ZNF609: variants seen among roughly 807,000 people sequenced by gnomAD.
ZNF609 encodes the protein zinc finger protein 609.
A neutral mutation model predicts 109.5 loss-of-function variants in ZNF609; 11 were observed. The ratio of observed to expected loss-of-function variants is 0.10; its 90% CI spans 0.06 to 0.17. ZNF609 has a LOEUF of 0.17. ZNF609 is among the 10% of genes least tolerant of loss of function. The pLI is 1.00. For missense variants in ZNF609, 1,559 were observed against 1,772.4 expected (o/e 0.88, Z 2.16); for synonymous variants, 646 against 662.0 (o/e 0.98, Z 0.37).
chr15:64,607,881 TC>T (rs1895636958), intron 2 of ZNF609, among the ~76,000 whole-genome samples: 3 of 19,868 alleles, frequency 1.5e-4, no homozygotes, highest in South Asian at 6.5e-4. Context: ...CTTTCTTTCT[TC>T]TTTCTTTTCT....
rs201999546 is a variant in ZNF609 at position 64,500,124 on chromosome 15, G to C, written c.705G>C (p.Gly235=). ...PLGTKPEPEE[G]ENECRLLKKV... ...GAACTAAACCGGAGCCAGAGGAAGG[G>C]GAGAATGAGTGTCGCCTGCTAAAGA... The change falls in exon 2 of 10, where the codon GGG becomes GGC. Residue 235 remains glycine, a synonymous_variant. Coordinates refer to ENST00000326648, the MANE Select transcript of ZNF609 (RefSeq NM_015042.2). 5.6e-6 allele frequency: 9 copies of C among 1,613,936 alleles called. No homozygotes were observed. In the East Asian group the frequency reaches 1.1e-4, roughly 20 times the overall value.
chr15:64,477,069 G>C (rs775624578), intron 1 of ZNF609, among the ~76,000 whole-genome samples: 2 of 151,232 alleles, frequency 1.3e-5, no homozygotes, highest in African/African-American at 2.4e-5. Context: ...CTTATGTCTA[G>C]ATGCTCTCTT....
intron 2 of ZNF609, among the ~76,000 whole-genome samples, chr15:64,538,325 T>C (rs1894188544): frequency 6.6e-6 from 1 of 152,182 alleles, no homozygotes; most frequent in African/African-American, 2.4e-5. Flanking sequence ...CTGTTAACCA[T>C]CCTGGCATTT....
chr15:64,626,653 A>G (rs1034475672), intron 3 of ZNF609, among the ~76,000 whole-genome samples: 1 of 152,148 alleles, frequency 6.6e-6, no homozygotes, highest in Admixed American at 6.6e-5. Flanking sequence ...CATGGCCTCA[A>G]TTATTCCTAG....
chr15:64,531,839 CTCTT>C (rs1404057558), intron 2 of ZNF609, among the ~76,000 whole-genome samples: 3 of 152,194 alleles, frequency 2.0e-5, no homozygotes, highest in African/African-American at 7.2e-5. Context: ...TCCATTCTCT[CTCTT>C]TCTAACCTAT....
intron 3 of ZNF609, chr15:64,631,209 T>G (rs1595746205): frequency 1.6e-6 from 1 of 625,502 alleles, no homozygotes; most frequent in African/African-American, 1.8e-5. Context: ...CTGCTTCAGG[T>G]GAACCCAGAT....
At chr15:64,577,245 A>G (rs796593115) in intron 2 of ZNF609, among the ~76,000 whole-genome samples, 5 of 56,472 alleles carry the variant, frequency 8.9e-5, no homozygotes, top group Non-Finnish European at 1.1e-4. Context: ...ATACATATAT[A>G]TGTATATATA....
At chr15:64,511,836 T>C (rs1165789636) in intron 2 of ZNF609, among the ~76,000 whole-genome samples, 1 of 151,104 alleles carries the variant, frequency 6.6e-6, no homozygotes. Context: ...TGCCTCAGCC[T>C]CTCGAGTAGC....
At chr15:64,567,765 G>A (rs1431082574) in intron 2 of ZNF609, among the ~76,000 whole-genome samples, 1 of 151,770 alleles carries the variant, frequency 6.6e-6, no homozygotes, top group Non-Finnish European at 1.5e-5. Flanking sequence ...GGGTTCAAGC[G>A]ATTCTCCTGC....
intron 2 of ZNF609, among the ~76,000 whole-genome samples, chr15:64,578,717 G>T (rs1323408704): frequency 1.3e-5 from 2 of 152,068 alleles, no homozygotes; most frequent in East Asian, 3.9e-4. Flanking sequence ...AAAAAATTAT[G>T]ACCAGACATG....
At chr15:64,580,547 TTTTCTTTTC>T (rs764941466) in intron 2 of ZNF609, among the ~76,000 whole-genome samples, 2,149 of 69,162 alleles carry the variant, frequency 0.031, 18 homozygotes, top group Middle Eastern at 0.072. Flanking sequence ...TTTTCTTTTC[TTTTCTTTTC>T]TTTTTTTTTT....
chr15:64,481,312 C>CTTTTTTGT (rs1218058203), intron 1 of ZNF609, among the ~76,000 whole-genome samples: 1 of 143,834 alleles, frequency 7.0e-6, no homozygotes, highest in African/African-American at 2.7e-5. Context: ...AGGCATCTTT[C>CTTTTTTGT]TTTTTTCTTT....
intron 3 of ZNF609, among the ~76,000 whole-genome samples, chr15:64,645,629 G>A (rs532785363): frequency 2.6e-5 from 4 of 152,008 alleles, no homozygotes; most frequent in Non-Finnish European, 2.9e-5. Context: ...TTTGCAAATC[G>A]TGTATCTGAT....
intron 2 of ZNF609, among the ~76,000 whole-genome samples, chr15:64,537,511 AAAAAG>A (rs1894172556): frequency 6.6e-6 from 1 of 151,704 alleles, no homozygotes. Flanking sequence ...TCAAAAAAAA[AAAAAG>A]AAAAAGAAAA....
intron 2 of ZNF609, among the ~76,000 whole-genome samples, chr15:64,563,190 C>G (rs1438197516): frequency 6.6e-6 from 1 of 151,782 alleles, no homozygotes; most frequent in Non-Finnish European, 1.5e-5. Context: ...TGGCTCACAC[C>G]TGTAATCCCA....
At chr15:64,616,692 T>C (rs1239543618) in intron 2 of ZNF609, among the ~76,000 whole-genome samples, 2 of 151,392 alleles carry the variant, frequency 1.3e-5, no homozygotes, top group African/African-American at 4.9e-5. Flanking sequence ...GCTAATTTTT[T>C]GTATTTCTAG....
chr15:64,537,575 T>C (rs76069235), intron 2 of ZNF609, among the ~76,000 whole-genome samples: 1 of 146,038 alleles, frequency 6.8e-6, no homozygotes, highest in Admixed American at 6.8e-5. Flanking sequence ...AGAAAAAAAA[T>C]ACTAGAGCTG....
chr15:64,593,062 A>G lies in ZNF609; in HGVS notation c.748-29765A>G, dbSNP rs185934699. On this transcript the variant is annotated intron_variant, in intron 2 of 9. Coordinates refer to ENST00000326648, the MANE Select transcript of ZNF609 (RefSeq NM_015042.2). The stretch of plus-strand genomic sequence containing the variant: ...CTATTCGCTGCACTAACTGTGCCCG[A>G]TGCGTGCCCAAAGACAAGGCCATTA... 7.7e-5 allele frequency: 122 copies of G among 1,587,846 alleles called. No individual in the cohort carries two copies. The Admixed American group carries it at 1.8e-3, about 24-fold the overall frequency.
intron 2 of ZNF609, among the ~76,000 whole-genome samples, chr15:64,526,426 G>A (rs1377555534): frequency 1.3e-5 from 2 of 151,890 alleles, no homozygotes; most frequent in Non-Finnish European, 2.9e-5. Flanking sequence ...TTACAACCTC[G>A]ATGTCTTTTT....
Sources: allele counts gnomAD v4.1 joint callset (sites outside exome capture counted in the v4.1 genomes callset), GRCh38; gene constraint gnomAD v4.1.1; transcripts MANE v1.5; gene names NCBI Gene and HGNC (gene_info 2026-07-23, HGNC 2026-07-21).